Variants in FCHSD2 observed in about 807,000 individuals in gnomAD.
FCHSD2 encodes the protein FCH and double SH3 domains 2.
Under a neutral mutation model 108.1 loss-of-function variants are expected in FCHSD2, and 38 were observed. The observed-to-expected ratio is 0.35, with a 90% confidence interval of 0.27 to 0.46. FCHSD2 has a LOEUF of 0.46. FCHSD2 is among the 20% of genes least tolerant of loss of function. The probability of loss-of-function intolerance (pLI) is 1.00; values close to 1 mark genes in which losing one functional copy is unlikely to be tolerated. For synonymous variants in FCHSD2, 279 were observed against 314.7 expected, an observed-to-expected ratio of 0.89 and a Z score of 1.20; for missense variants, 751 against 897.8, an observed-to-expected ratio of 0.84 and a Z score of 2.09.
chr11:73,000,621 A>G (rs1004140016), intron 5 of FCHSD2, among the ~76,000 whole-genome samples: 2 of 152,188 alleles, frequency 1.3e-5, no homozygotes, highest in African/African-American at 4.8e-5. Context: ...AGTAAGACAA[A>G]TTAATGTAAA....
At chr11:73,045,069 CAA>C (rs796407149) in intron 3 of FCHSD2, among the ~76,000 whole-genome samples, 13 of 99,582 alleles carry the variant, frequency 1.3e-4, no homozygotes, top group Admixed American at 2.1e-4. Context: ...GACTCCATCT[CAA>C]AAAAAAAAAA....
At chr11:73,094,909 G>T (rs1396878133) in intron 2 of FCHSD2, among the ~76,000 whole-genome samples, 1 of 152,158 alleles carries the variant, frequency 6.6e-6, no homozygotes, top group Non-Finnish European at 1.5e-5. Context: ...AAGCTATGTT[G>T]TAAGTCTGGC....
At chr11:73,072,010 G>T (rs376683085) in intron 3 of FCHSD2, among the ~76,000 whole-genome samples, 1 of 151,904 alleles carries the variant, frequency 6.6e-6, no homozygotes, top group Non-Finnish European at 1.5e-5. Flanking sequence ...TTTGATCAGC[G>T]GTCAGGGCAG....
chr11:73,110,450 T>G (rs1189002718), intron 2 of FCHSD2, among the ~76,000 whole-genome samples: 4 of 152,198 alleles, frequency 2.6e-5, no homozygotes, highest in African/African-American at 7.2e-5. Context: ...TATGCATTCC[T>G]TCTAGATTTT....
At position 73,087,719 on chromosome 11, in the gene FCHSD2, A is replaced by T. The variant is rs184195207; in HGVS notation, c.120-3979T>A. On this transcript the variant is annotated intron_variant, in intron 2 of 19. Coordinates refer to ENST00000409418, the MANE Select transcript of FCHSD2 (RefSeq NM_014824.3). ...GGCTTTGTCTCAAAAAAAAAAAAAAAATTTTTAAAATAAATTTAGTGCAGC... is the reference window on the plus strand; with the variant it reads ...GGCTTTGTCTCAAAAAAAAAAAAAATATTTTTAAAATAAATTTAGTGCAGC... Among the ~76,000 whole-genome samples the T allele has an allele frequency of 8.0e-3, 1,205 of 151,552 alleles. 21 individuals are homozygous for T. Among genetic ancestry groups the T allele is most frequent in the African/African-American group, 0.027 (1,128 of 41,110 alleles).
intron 2 of FCHSD2, among the ~76,000 whole-genome samples, chr11:73,110,480 TTG>T (rs1277087824): frequency 6.6e-6 from 1 of 152,186 alleles, no homozygotes; most frequent in Non-Finnish European, 1.5e-5. Flanking sequence ...TGGTATATAG[TTG>T]TTCATAGTAC....
intron 12 of FCHSD2, among the ~76,000 whole-genome samples, chr11:72,873,834 C>T (rs1464165045): frequency 6.6e-6 from 1 of 152,142 alleles, no homozygotes; most frequent in Non-Finnish European, 1.5e-5. Context: ...CGTAAGCAAA[C>T]CAAAACTCAA....
chr11:73,135,441 A>C (rs1861100552), intron 2 of FCHSD2, among the ~76,000 whole-genome samples: 1 of 152,218 alleles, frequency 6.6e-6, no homozygotes, highest in African/African-American at 2.4e-5. Context: ...CTAAGAAGGT[A>C]GTTCTTTAAA....
chr11:73,088,338 T>G (rs1243832348), intron 2 of FCHSD2, among the ~76,000 whole-genome samples: 1 of 152,182 alleles, frequency 6.6e-6, no homozygotes, highest in Admixed American at 6.5e-5. Flanking sequence ...AGCTTAGGTG[T>G]GTAGTAGGCT....
intron 8 of FCHSD2, among the ~76,000 whole-genome samples, chr11:72,966,309 G>A (rs1406466765): frequency 9.2e-5 from 14 of 151,914 alleles, no homozygotes; most frequent in African/African-American, 1.9e-4. Context: ...ACAGGTGCCC[G>A]CCACCACACT....
intron 5 of FCHSD2, among the ~76,000 whole-genome samples, chr11:72,992,311 C>A (rs1202228505): frequency 1.3e-5 from 2 of 152,144 alleles, no homozygotes; most frequent in African/African-American, 2.4e-5. Flanking sequence ...TAGAAAGAAT[C>A]AATATCGTGA....
Position 73,003,641 on chromosome 11 carries a change from T to C in FCHSD2, c.243-2507A>G, listed in dbSNP as rs903375573. Among the ~76,000 whole-genome samples, 10 of 151,162 alleles carry C rather than the reference T, an allele frequency of 6.6e-5. No individual in the cohort carries two copies. The East Asian group carries it at 1.6e-3, about 24-fold the overall frequency. On this transcript the variant is annotated intron_variant, in intron 4 of 19. Coordinates refer to ENST00000409418, the MANE Select transcript of FCHSD2 (RefSeq NM_014824.3). Reference sequence around the variant, plus strand: ...AGCTGGGACTACAGGCGCCCGCCACTACGCCCGGCTAATTTTTTGTATTTT... The same window carrying C: ...AGCTGGGACTACAGGCGCCCGCCACCACGCCCGGCTAATTTTTTGTATTTT...
At chr11:73,063,181 C>A (rs1352333026) in intron 3 of FCHSD2, among the ~76,000 whole-genome samples, 4 of 152,110 alleles carry the variant, frequency 2.6e-5, no homozygotes, top group African/African-American at 9.7e-5. Flanking sequence ...TCATATCCAG[C>A]CTAACTAAGC....
At chr11:73,127,043 A>G (rs747730534) in intron 2 of FCHSD2, among the ~76,000 whole-genome samples, 2 of 152,172 alleles carry the variant, frequency 1.3e-5, no homozygotes, top group Non-Finnish European at 2.9e-5. Context: ...CTCAAAAGCA[A>G]ACAACAAAAA....
chr11:73,130,576 TA>T (rs775412084), intron 2 of FCHSD2, among the ~76,000 whole-genome samples: 3 of 152,316 alleles, frequency 2.0e-5, no homozygotes, highest in Admixed American at 6.5e-5. Flanking sequence ...TAGGAGCAGG[TA>T]AAGATTTCTG....
chr11:72,922,033 T>C, intron 8 of FCHSD2, 83 bp from the exon 9 acceptor site: 2 of 909,616 alleles, frequency 2.2e-6, no homozygotes, highest in Non-Finnish European at 3.3e-6. Context: ...GAAAAGTAGG[T>C]ATGTTCAGTT....
At chr11:73,129,872 C>CT (rs35445043) in intron 2 of FCHSD2, among the ~76,000 whole-genome samples, 5,838 of 124,154 alleles carry the variant, frequency 0.047, 481 homozygotes, top group African/African-American at 0.14. Context: ...CCTTCATAAT[C>CT]TTTTTTTTTT....
At chr11:72,909,234 G>A (rs541749339) in intron 9 of FCHSD2, among the ~76,000 whole-genome samples, 6 of 151,848 alleles carry the variant, frequency 4.0e-5, no homozygotes, top group Non-Finnish European at 5.9e-5. Context: ...ACGGGGTTTC[G>A]CCCTGTTGAC....
intron 9 of FCHSD2, among the ~76,000 whole-genome samples, chr11:72,916,968 CTTTTT>C (rs71062793): frequency 2.5e-5 from 3 of 118,798 alleles, no homozygotes; most frequent in African/African-American, 6.5e-5. Context: ...GAACTTCATT[CTTTTT>C]TTTTTTTTTT....
Sources: allele counts gnomAD v4.1 joint callset (sites outside exome capture counted in the v4.1 genomes callset), GRCh38; gene constraint gnomAD v4.1.1; transcripts MANE v1.5; gene names NCBI Gene and HGNC (gene_info 2026-07-23, HGNC 2026-07-21).